Variants in RLF observed in about 807,000 individuals in gnomAD.
The protein encoded by RLF is RLF zinc finger, also known as zinc finger protein Rlf.
RLF carries 7 observed loss-of-function variants against 162.9 expected under a neutral mutation model. The observed-to-expected ratio is 0.04, with a 90% CI of 0.02 to 0.08. The LOEUF is 0.08. Ranked by LOEUF, RLF falls within the 10% of genes least tolerant of loss-of-function variation. The probability of loss-of-function intolerance (pLI) is 1.00; values close to 1 mark genes in which losing one functional copy is unlikely to be tolerated. For missense variants in RLF, 1,664 were observed against 2,244.7 expected (o/e 0.74, Z 5.23); for synonymous variants, 782 against 791.5 (o/e 0.99, Z 0.20).
chr1:40,231,536 A>G lies in RLF; in HGVS notation c.967A>G (p.Ser323Gly). ...YCSWELTLFWSKLQRRIDPSL... is the reference protein window; with the variant it reads ...YCSWELTLFWGKLQRRIDPSL... ...TTATAGGGAACTGACTCTTTTTTGG[A>G]GTAAACTGCAAAGAAGAATTGACCC... The change falls in exon 7 of 8, where the codon AGT becomes GGT. Residue 323 changes from serine to glycine, a missense_variant. By Grantham distance (56) the Ser-to-Gly change is moderately conservative. Coordinates refer to ENST00000372771, the MANE Select transcript of RLF (RefSeq NM_012421.4). 1 of 1,613,024 alleles carries G rather than the reference A, an allele frequency of 6.2e-7. No individual in the cohort carries two copies. Among genetic ancestry groups the G allele is most frequent in the South Asian group, 1.1e-5 (1 of 90,856 alleles).
chr1:40,225,296 T>C (rs553199675), intron 6 of RLF, among the ~76,000 whole-genome samples: 1 of 152,252 alleles, frequency 6.6e-6, no homozygotes, highest in Non-Finnish European at 1.5e-5. Flanking sequence ...ATGTAGCTAT[T>C]GGCCAGGCGC....
rs980301643 is a variant in RLF, at chr1:40,166,336, A to G, written c.237+4700A>G. Reference sequence around the variant, plus strand: ...CTAGTATGTAAAAAGCAAATTAACCATAAGAAATTACTATAAAGGGAGAGG... The same window carrying G: ...CTAGTATGTAAAAAGCAAATTAACCGTAAGAAATTACTATAAAGGGAGAGG... On this transcript the variant is annotated intron_variant, in intron 1 of 7. Transcript: ENST00000372771. 2.3e-4 allele frequency among the ~76,000 whole-genome samples: 35 copies of G among 152,074 alleles called. 1 individual carries two copies. Among genetic ancestry groups the G allele is most frequent in the Non-Finnish European group, 1.3e-4 (9 of 68,010 alleles).
Position 40,236,556 on chromosome 1 carries a change from A to G in RLF, c.1854A>G (p.Lys618=). 10 of 1,614,094 alleles carry G rather than the reference A, an allele frequency of 6.2e-6. No individual in the cohort carries two copies. Among genetic ancestry groups the G allele is most frequent in the Non-Finnish European group, 8.5e-6 (10 of 1,180,010 alleles). ...PPSRRDRSKK[K]LLLKGSQKGI... ...GCAGAAGGGACCGCTCTAAAAAGAA[A>G]TTACTGTTAAAAGGCTCTCAAAAGG... Residue 618 remains lysine (K), a synonymous_variant, in exon 8 of 8, where the codon AAA becomes AAG. Coordinates refer to ENST00000372771, the MANE Select transcript of RLF (RefSeq NM_012421.4). This position sits in a 1 kb window ranked among gnomAD's most constrained non-coding sequence, Gnocchi z 7.7.
chr1:40,187,109 G>A, intron 1 of RLF, among the ~76,000 whole-genome samples: 1 of 151,540 alleles, frequency 6.6e-6, no homozygotes, highest in Non-Finnish European at 1.5e-5. Context: ...TTGGCTCACT[G>A]CAACCTCCGC....
At chr1:40,204,384 C>T (rs1642761073) in intron 5 of RLF, among the ~76,000 whole-genome samples, 1 of 151,948 alleles carries the variant, frequency 6.6e-6, no homozygotes, top group South Asian at 2.1e-4. Flanking sequence ...TTCACCTACT[C>T]TATGTGTTTA....
At chr1:40,227,254 A>G (rs1643089712) in intron 6 of RLF, among the ~76,000 whole-genome samples, 1 of 152,218 alleles carries the variant, frequency 6.6e-6, no homozygotes. Context: ...GAGCTAGGTA[A>G]TGGGCTAAAT....
chr1:40,183,108 A>C (rs1642428711), intron 1 of RLF, among the ~76,000 whole-genome samples: 1 of 151,868 alleles, frequency 6.6e-6, no homozygotes, highest in African/African-American at 2.4e-5. Context: ...ACTTTTTTCA[A>C]GTTCTTTCTT....
intron 5 of RLF, among the ~76,000 whole-genome samples, chr1:40,218,235 C>T (rs1348656633): frequency 6.6e-6 from 1 of 152,168 alleles, no homozygotes; most frequent in African/African-American, 2.4e-5. Context: ...GCAAAAAGTA[C>T]CATCACCCTC....
At chr1:40,233,044 G>A (rs1034070447) in intron 7 of RLF, among the ~76,000 whole-genome samples, 3 of 145,348 alleles carry the variant, frequency 2.1e-5, no homozygotes, top group Admixed American at 6.9e-5. Flanking sequence ...GCAGTGAGCC[G>A]AGATCACACC....
At chr1:40,204,742 A>C (rs2124544172) in intron 5 of RLF, among the ~76,000 whole-genome samples, 1 of 152,124 alleles carries the variant, frequency 6.6e-6, no homozygotes, top group East Asian at 1.9e-4. Context: ...TCTTTAGCCC[A>C]TTCATTCTCC....
intron 1 of RLF, among the ~76,000 whole-genome samples, chr1:40,184,949 G>C (rs61780443): frequency 0.052 from 7,907 of 152,080 alleles, 602 homozygotes; most frequent in African/African-American, 0.17. Context: ...AAAAATAAGA[G>C]ACCGTGGCTG....
chr1:40,161,710 G>A lies in RLF; in HGVS notation c.237+74G>A. 12 of 1,565,932 alleles carry A rather than the reference G, an allele frequency of 7.7e-6. No individual in the cohort carries two copies. Among genetic ancestry groups the A allele is most frequent in the Non-Finnish European group, 9.4e-6 (11 of 1,165,540 alleles). On this transcript the variant is annotated intron_variant, in intron 1 of 7. Transcript: ENST00000372771. The surrounding 1 kb of genome is among the most constrained non-coding windows in gnomAD (Gnocchi z 4.4). ...GAAGGAGGCCCTGGATCCTCTGTAA[G>A]CAGCCGGGTCCAAACTGAAAGGCGC...
At chr1:40,185,843 C>CAAAAAAAAAAA (rs33982008) in intron 1 of RLF, among the ~76,000 whole-genome samples, 2 of 67,528 alleles carry the variant, frequency 3.0e-5, no homozygotes, top group African/African-American at 5.8e-5. Context: ...AAAAAAAAAG[C>CAAAAAAAAAAA]AAAAAAAAAA....
Position 40,161,777 on chromosome 1 carries a change from G to C in RLF, c.237+141G>C. The C allele has an allele frequency of 8.2e-7, 1 of 1,222,466 alleles. No individual in the cohort carries two copies. Among genetic ancestry groups the C allele is most frequent in the Non-Finnish European group, 1.1e-6 (1 of 899,036 alleles). The allele number at this position is 1,222,466 out of a possible 1,614,324, so 75.7% of individuals were successfully genotyped here. A position where few individuals can be genotyped will look rare whatever the true frequency, so the allele number is the denominator to read the frequency against. On this transcript the variant is annotated intron_variant, in intron 1 of 7. Transcript: ENST00000372771. The surrounding 1 kb of genome is among the most constrained non-coding windows in gnomAD (Gnocchi z 4.4). ...CGCGCCCCCGGGCCGGGAAGGCCCA[G>C]CTCGGAAGCTCGACCGCTGGCCCCC...
intron 5 of RLF, among the ~76,000 whole-genome samples, chr1:40,206,870 T>A (rs1156300310): frequency 6.6e-6 from 1 of 152,218 alleles, no homozygotes; most frequent in East Asian, 1.9e-4. Flanking sequence ...ATGTCTGCTC[T>A]AAATGTTCTC....
intron 6 of RLF, 58 bp from the exon 7 acceptor site, chr1:40,231,459 G>T: frequency 2.0e-6 from 3 of 1,529,614 alleles, no homozygotes; most frequent in Non-Finnish European, 2.7e-6. Flanking sequence ...GTTGCCGGGG[G>T]CAGGGCAGCA....
chr1:40,168,958 A>C (rs138647720), intron 1 of RLF, among the ~76,000 whole-genome samples: 2,837 of 152,182 alleles, frequency 0.019, 39 homozygotes, highest in Middle Eastern at 0.044. Context: ...ATGCCGTTGC[A>C]CTCCATCCTG....
At chr1:40,196,078 C>CTTTTT (rs1048689494) in intron 4 of RLF, among the ~76,000 whole-genome samples, 2 of 145,300 alleles carry the variant, frequency 1.4e-5, no homozygotes, top group African/African-American at 2.5e-5. Flanking sequence ...CTTTTCTTTT[C>CTTTTT]TTTTTTTTTT....
At chr1:40,183,094 T>C (rs1445035478) in intron 1 of RLF, among the ~76,000 whole-genome samples, 3 of 152,154 alleles carry the variant, frequency 2.0e-5, no homozygotes, top group African/African-American at 7.2e-5. Context: ...ATTCATCTTT[T>C]CTGACTTTTT....
Sources: gnomAD v4.1 joint callset for allele counts (sites outside exome capture counted in the v4.1 genomes callset) on GRCh38, gnomAD v4.1.1 for gene constraint, Gnocchi (gnomAD v3.1) non-coding constraint, MANE v1.5 for transcripts, NCBI Gene and HGNC (gene_info 2026-07-23, HGNC 2026-07-21) for gene names.